SASH3: variants seen among roughly 807,000 people sequenced by gnomAD.
The protein encoded by SASH3 is SAM and SH3 domain-containing protein 3.
Under a neutral mutation model 26.1 loss-of-function variants are expected in SASH3, and 7 were observed. The ratio of observed to expected loss-of-function variants is 0.27; its 90% CI spans 0.15 to 0.50. The LOEUF is 0.50. SASH3 is among the 20% of genes least tolerant of loss of function. SASH3 has a pLI of 0.98. For missense variants in SASH3, 231 were observed against 318.3 expected, an observed-to-expected ratio of 0.73 and a Z score of 2.09; for synonymous variants, 138 against 136.8, an observed-to-expected ratio of 1.01 and a Z score of -0.06.
At chrX:129,792,879 C>G (rs1324615501) in intron 6 of SASH3, 43 bp downstream of exon 6, 1 of 1,181,718 alleles carries the variant, frequency 8.5e-7, no homozygotes, top group Admixed American at 2.3e-5. Context: ...CAGGGAGGCA[C>G]AACTGCCCCA....
In SASH3 at chrX:129,788,484, C is replaced by G; in HGVS notation, c.207C>G (p.Gly69=). 2 of 1,211,063 alleles carry G rather than the reference C, an allele frequency of 1.7e-6. No homozygotes were observed. The highest frequency in any genetic ancestry group is 2.3e-4 in the Middle Eastern group (1 of 4,350). The change falls in exon 3 of 8, where the codon GGC becomes GGG. Residue 69 remains glycine, a synonymous_variant. Transcript: ENST00000356892. ...VPTPEDAGKS[G]KKLGKKWRAV... is the part of the protein sequence containing the mutation. ...CCCCAGAAGATGCTGGGAAGAGTGGCAAAAAGCTGGGGAAGAAGTGGAGGG... is the reference window on the plus strand; with the variant it reads ...CCCCAGAAGATGCTGGGAAGAGTGGGAAAAAGCTGGGGAAGAAGTGGAGGG...
intron 2 of SASH3, 63 bp downstream of exon 2, chrX:129,788,133 G>GGGGGGGGGGGGGGT: frequency 6.4e-6 from 2 of 312,636 alleles, no homozygotes; most frequent in Non-Finnish European, 1.2e-5. Flanking sequence ...GTGGGGGTGG[G>GGGGGGGGGGGGGGT]AGGGAAGAGG....
chrX:129,780,065 G>T lies in SASH3; in HGVS notation c.-33G>T. The T allele has an allele frequency of 2.5e-6, 3 of 1,203,565 alleles. No homozygotes were observed. The highest frequency in any genetic ancestry group is 3.4e-6 in the Non-Finnish European group (3 of 888,244). On this transcript the variant is annotated 5_prime_UTR_variant, in exon 1 of 8. Transcript: ENST00000356892. Reference sequence around the variant, plus strand: ...GGCCTCTGCATCTTGACACCTAGGAGAGCAGGGACGGAGTCTCCCAGGGTG... The same window carrying T: ...GGCCTCTGCATCTTGACACCTAGGATAGCAGGGACGGAGTCTCCCAGGGTG...
chrX:129,780,304 C>T (rs1778703384), intron 1 of SASH3, 150 bp downstream of exon 1: 1 of 465,155 alleles, frequency 2.1e-6, no homozygotes, highest in African/African-American at 2.4e-5. Context: ...GACAGGGACC[C>T]AAAGGTTAAC....
Position 129,792,728 on chromosome X carries a change from G to A in SASH3, c.693G>A (p.Val231=). The change falls in exon 6 of 8, where the codon GTG becomes GTA. Residue 231 remains valine (V), a synonymous_variant. Coordinates refer to ENST00000356892, the MANE Select transcript of SASH3 (RefSeq NM_018990.4). The part of the protein sequence containing the change: ...VGSFKFIYVD[V]LPEEAVGHAR... ...CTTTCAAATTCATCTATGTGGATGTGCTGCCCGAGGAGGCCGTGGGGCATG... is the reference window on the plus strand; with the variant it reads ...CTTTCAAATTCATCTATGTGGATGTACTGCCCGAGGAGGCCGTGGGGCATG... 5 of 1,210,962 alleles carry A rather than the reference G, an allele frequency of 4.1e-6. No individual in the cohort carries two copies. Among genetic ancestry groups the A allele is most frequent in the South Asian group, 3.5e-5 (2 of 56,984 alleles).
intron 1 of SASH3, among the ~76,000 whole-genome samples, chrX:129,784,054 A>T (rs1187902950): frequency 9.0e-6 from 1 of 111,099 alleles, no homozygotes; most frequent in East Asian, 2.8e-4. Flanking sequence ...CACTCTCAGA[A>T]GTCTAGAAGC....
At chrX:129,782,032 G>A (rs1376132227) in intron 1 of SASH3, among the ~76,000 whole-genome samples, 1 of 112,492 alleles carries the variant, frequency 8.9e-6, no homozygotes, top group Non-Finnish European at 1.9e-5. Context: ...AAAGGCAAGA[G>A]AGGCCTCTTT....
intron 1 of SASH3, among the ~76,000 whole-genome samples, chrX:129,786,844 A>C (rs2124075891): frequency 9.1e-6 from 1 of 109,994 alleles, no homozygotes; most frequent in Admixed American, 9.6e-5. Context: ...AAATACAAAA[A>C]ATTAGCCGGG....
At chrX:129,784,252 T>G (rs1927068396) in intron 1 of SASH3, among the ~76,000 whole-genome samples, 1 of 111,932 alleles carries the variant, frequency 8.9e-6, no homozygotes, top group Admixed American at 9.5e-5. Flanking sequence ...ATCCATACTG[T>G]TGGGAACAGT....
At chrX:129,780,238 G>A (rs968546045) in intron 1 of SASH3, 84 bp downstream of exon 1, 21 of 917,675 alleles carry the variant, frequency 2.3e-5, no homozygotes, top group Admixed American at 1.0e-4. Context: ...AGTGGGAAGA[G>A]CCAAAGGCCA....
At chrX:129,788,124 T>TGGGGGGGCGGGGGGGGGGGGGGG in intron 2 of SASH3, 54 bp downstream of exon 2, 1 of 146,473 alleles carries the variant, frequency 6.8e-6, no homozygotes, top group Non-Finnish European at 1.4e-5. Context: ...GGCAGGGGGG[T>TGGGGGGGCGGGGGGGGGGGGGGG]GGGGGTGGGA....
At chrX:129,784,099 C>G (rs745828666) in intron 1 of SASH3, among the ~76,000 whole-genome samples, 1 of 110,856 alleles carries the variant, frequency 9.0e-6, no homozygotes, top group East Asian at 2.8e-4. Flanking sequence ...TACACCCCCC[C>G]CTTCCCCCAG....
chrX:129,785,207 C>T (rs921944287), intron 1 of SASH3, among the ~76,000 whole-genome samples: 4 of 110,945 alleles, frequency 3.6e-5, no homozygotes, highest in Non-Finnish European at 5.7e-5. Flanking sequence ...GGTACCACCT[C>T]CCCCGTCAGG....
At chrX:129,793,287 C>G (rs1927266134) in intron 7 of SASH3, 148 bp downstream of exon 7, 1 of 682,761 alleles carries the variant, frequency 1.5e-6, no homozygotes, top group African/African-American at 2.2e-5. Context: ...ATTAGAATTT[C>G]AGGGAAAGTG....
Position 129,790,193 on chromosome X carries a change from C to T in SASH3, c.301-747C>T, listed in dbSNP as rs755731224. Among the ~76,000 whole-genome samples, 7 of 112,059 alleles carry T rather than the reference C, an allele frequency of 6.2e-5. 1 individual carries two copies. Among genetic ancestry groups the T allele is most frequent in the Middle Eastern group, 4.2e-3 (1 of 239 alleles). ...ACTCTTATCAATGCTGCTGAGGTTACGTGCATCCATAGCATCTTCATGGTG... is the reference window on the plus strand; with the variant it reads ...ACTCTTATCAATGCTGCTGAGGTTATGTGCATCCATAGCATCTTCATGGTG... On this transcript the variant is annotated intron_variant, in intron 3 of 7. Transcript: ENST00000356892.
At chrX:129,783,828 A>G (rs1275374424) in intron 1 of SASH3, among the ~76,000 whole-genome samples, 1 of 111,579 alleles carries the variant, frequency 9.0e-6, no homozygotes, top group Non-Finnish European at 1.9e-5. Context: ...CTCAGGAAGT[A>G]AGGGAAGAGG....
chrX:129,788,803 G>A (rs1393828850), intron 3 of SASH3, among the ~76,000 whole-genome samples: 1 of 111,101 alleles, frequency 9.0e-6, no homozygotes, highest in Non-Finnish European at 1.9e-5. Context: ...AGTTTGAGAA[G>A]GGATGAAAGT....
intron 3 of SASH3, among the ~76,000 whole-genome samples, chrX:129,790,714 T>A (rs1255969562): frequency 9.0e-6 from 1 of 111,388 alleles, no homozygotes; most frequent in Non-Finnish European, 1.9e-5. Flanking sequence ...ATCCACATGG[T>A]GCCCTGGTTG....
At position 129,793,958 on chromosome X, in the gene SASH3, C is replaced by T; in HGVS notation, c.*126C>T. The T allele has an allele frequency of 3.0e-6, 2 of 675,668 alleles. No individual in the cohort carries two copies. Among genetic ancestry groups the T allele is most frequent in the South Asian group, 2.8e-5 (1 of 35,394 alleles). The allele number at this position is 675,668 out of a possible 1,213,427, so 55.7% of individuals were successfully genotyped here. On this transcript the variant is annotated 3_prime_UTR_variant, in exon 8 of 8. Transcript: ENST00000356892. Reference sequence around the variant, plus strand: ...GCCTGGCCCTGCTTCCCCAGGGACACTTAGGGCCACAGAGGCCAGGCCAGG... The same window carrying T: ...GCCTGGCCCTGCTTCCCCAGGGACATTTAGGGCCACAGAGGCCAGGCCAGG...
Sources: allele counts gnomAD v4.1 joint callset (sites outside exome capture counted in the v4.1 genomes callset), GRCh38; gene constraint gnomAD v4.1.1; transcripts MANE v1.5; gene names NCBI Gene and HGNC (gene_info 2026-07-23, HGNC 2026-07-21).